CDC5L: variants seen among roughly 807,000 people sequenced by gnomAD.
The protein encoded by CDC5L is cell division cycle 5-like protein.
CDC5L carries 18 observed loss-of-function variants against 104.1 expected under a neutral mutation model. The observed-to-expected ratio is 0.17, with a 90% CI of 0.12 to 0.26. CDC5L has a LOEUF of 0.26. CDC5L is among the 10% of genes least tolerant of loss of function. CDC5L has a pLI of 1.00. For missense variants in CDC5L, 673 were observed against 956.9 expected (o/e 0.70, Z 3.91); for synonymous variants, 331 against 322.7 (o/e 1.03, Z -0.28).
intron 14 of CDC5L, among the ~76,000 whole-genome samples, chr6:44,438,173 C>T (rs1400393753): frequency 6.6e-6 from 1 of 152,176 alleles, no homozygotes; most frequent in Non-Finnish European, 1.5e-5. Context: ...GTCTCGAACT[C>T]CTGGGCTCAA....
rs1258145652 is a variant in CDC5L, at chr6:44,449,653, C to CT, written c.*2942_*2943insT. The CT allele has an allele frequency of 2.6e-5, 4 of 152,098 alleles. No individual in the cohort carries two copies. Among genetic ancestry groups the CT allele is most frequent in the Non-Finnish European group, 5.9e-5 (4 of 68,030 alleles). The allele number at this position is 152,098 out of a possible 1,614,324, so 9.4% of individuals were successfully genotyped here. ...TGTGATAAAAAGCTGAAAGAAACCACCACAAGGGAGAGTCCTTTTTGAAAT... is the reference window on the plus strand; with the variant it reads ...TGTGATAAAAAGCTGAAAGAAACCACTCACAAGGGAGAGTCCTTTTTGAAAT... On this transcript the variant is annotated 3_prime_UTR_variant, in exon 16 of 16. Transcript: ENST00000371477.
intron 3 of CDC5L, among the ~76,000 whole-genome samples, chr6:44,393,164 GTTTTTTT>G (rs773786751): frequency 5.6e-5 from 6 of 107,220 alleles, no homozygotes; most frequent in Non-Finnish European, 9.6e-5. Flanking sequence ...TTTACTAATA[GTTTTTTT>G]TTTTTTTTTT....
chr6:44,426,700 G>T lies in CDC5L; in HGVS notation c.1869G>T (p.Lys623Asn). The change falls in exon 13 of 16, where the codon AAG becomes AAT. Residue 623 changes from lysine (K) to asparagine (N), a missense_variant. Lys to Asn is a moderately conservative substitution (Grantham distance 94). Coordinates refer to ENST00000371477, the MANE Select transcript of CDC5L (RefSeq NM_001253.4). ...ATCTGGAACATAATCCTTATGAAAAGTTCTCCAAAGAAGAGCTGAAAAAGG... is the reference window on the plus strand; with the variant it reads ...ATCTGGAACATAATCCTTATGAAAATTTCTCCAAAGAAGAGCTGAAAAAGG... ...ITYLEHNPYE[K>N]FSKEELKKAQ... 6.2e-7 allele frequency: 1 copy of T among 1,612,732 alleles called. No homozygotes were observed. The highest frequency in any genetic ancestry group is 8.5e-7 in the Non-Finnish European group (1 of 1,179,376).
intron 14 of CDC5L, among the ~76,000 whole-genome samples, chr6:44,436,436 A>G (rs756487500): frequency 1.3e-5 from 2 of 152,058 alleles, no homozygotes; most frequent in Non-Finnish European, 2.9e-5. Context: ...GTGGATTTTA[A>G]TCTAACATTT....
intron 14 of CDC5L, among the ~76,000 whole-genome samples, chr6:44,441,195 A>G (rs1390737943): frequency 1.3e-5 from 2 of 152,172 alleles, no homozygotes; most frequent in Non-Finnish European, 2.9e-5. Flanking sequence ...CTCTACTTCT[A>G]TGAGATTAAC....
chr6:44,411,736 T>C (rs1791652770), intron 8 of CDC5L, among the ~76,000 whole-genome samples: 1 of 152,082 alleles, frequency 6.6e-6, no homozygotes, highest in Non-Finnish European at 1.5e-5. Context: ...TTTACAAAAT[T>C]ATGGCACACT....
At chr6:44,427,059 TA>T (rs1792455954) in intron 13 of CDC5L, among the ~76,000 whole-genome samples, 1 of 152,226 alleles carries the variant, frequency 6.6e-6, no homozygotes, top group Non-Finnish European at 1.5e-5. Flanking sequence ...CTTTAGTACT[TA>T]AACATCACTT....
At chr6:44,428,470 ATATGCT>A (rs1348850338) in intron 13 of CDC5L, among the ~76,000 whole-genome samples, 1 of 152,176 alleles carries the variant, frequency 6.6e-6, no homozygotes, top group Non-Finnish European at 1.5e-5. Context: ...GAAAAAATTC[ATATGCT>A]TATGGAATTC....
chr6:44,427,220 G>C (rs559962892), intron 13 of CDC5L, among the ~76,000 whole-genome samples: 1 of 152,296 alleles, frequency 6.6e-6, no homozygotes, highest in South Asian at 2.1e-4. Flanking sequence ...AGGACATGAA[G>C]AAATGATTTC....
At chr6:44,418,821 G>A (rs1248760937) in intron 8 of CDC5L, among the ~76,000 whole-genome samples, 8 of 148,622 alleles carry the variant, frequency 5.4e-5, no homozygotes, top group Admixed American at 2.0e-4. Flanking sequence ...CATATCCTTC[G>A]CCCACTTTTT....
Position 44,426,083 on chromosome 6 carries a change from A to C in CDC5L, c.1570-20A>C. 6.5e-7 allele frequency: 1 copy of C among 1,534,036 alleles called. No individual in the cohort carries two copies. Among genetic ancestry groups the C allele is most frequent in the Non-Finnish European group, 8.9e-7 (1 of 1,117,734 alleles). ...AAATACGCTATAGCTGCAATAAAGG[A>C]TATAAAAATCATTTTTTAGGCCATA... On this transcript the variant is annotated intron_variant, in intron 11 of 15. Coordinates refer to ENST00000371477, the MANE Select transcript of CDC5L (RefSeq NM_001253.4).
At chr6:44,408,844 G>A (rs1026245086) in intron 8 of CDC5L, among the ~76,000 whole-genome samples, 9 of 152,110 alleles carry the variant, frequency 5.9e-5, no homozygotes, top group African/African-American at 1.7e-4. Flanking sequence ...ATTAAAATTC[G>A]TAATTTTTTG....
intron 14 of CDC5L, among the ~76,000 whole-genome samples, chr6:44,440,315 C>T (rs1793123996): frequency 6.6e-6 from 1 of 150,652 alleles, no homozygotes; most frequent in African/African-American, 2.4e-5. Context: ...GATCTTGGCT[C>T]ATTGCAACCT....
chr6:44,428,362 A>T (rs187670962), intron 13 of CDC5L, among the ~76,000 whole-genome samples: 15 of 151,472 alleles, frequency 9.9e-5, no homozygotes, highest in Admixed American at 3.9e-4. Context: ...GTAGATTTTG[A>T]TGTGTTTATT....
intron 8 of CDC5L, among the ~76,000 whole-genome samples, chr6:44,413,739 A>T (rs746252564): frequency 9.9e-5 from 15 of 151,966 alleles, no homozygotes; most frequent in Non-Finnish European, 1.9e-4. Flanking sequence ...ATGCACTACC[A>T]GGCCCAATTA....
intron 8 of CDC5L, among the ~76,000 whole-genome samples, chr6:44,411,651 T>TGTGTGTGTGTGA (rs1330214519): frequency 7.5e-6 from 1 of 132,936 alleles, no homozygotes; most frequent in African/African-American, 2.7e-5. Context: ...TGTGTGTGTG[T>TGTGTGTGTGTGA]GTGACTAAAA....
intron 5 of CDC5L, among the ~76,000 whole-genome samples, chr6:44,402,990 T>C (rs1384601029): frequency 3.3e-5 from 5 of 152,242 alleles, no homozygotes; most frequent in Admixed American, 3.3e-4. Context: ...TTGTTCATGG[T>C]GTAACTTATT....
rs564926508 is a variant in CDC5L at position 44,438,809 on chromosome 6, C to T, written c.2092-6846C>T. ...AATTGAAGATGAGGAATTTTTTTTT[C>T]TCCTGTGGAGGTAATGTTTCTACTC... is the stretch of plus-strand genomic sequence containing the variant. On this transcript the variant is annotated intron_variant, in intron 14 of 15. Transcript: ENST00000371477. Among the ~76,000 whole-genome samples the T allele has an allele frequency of 2.1e-3, 314 of 149,330 alleles. 1 individual carries two copies. The highest frequency in any genetic ancestry group is 7.3e-3 in the African/African-American group (298 of 40,760).
intron 11 of CDC5L, 81 bp from the exon 12 acceptor site, chr6:44,426,022 C>T (rs1792400720): frequency 2.2e-6 from 2 of 904,292 alleles, no homozygotes; most frequent in South Asian, 1.8e-5. Context: ...CATGATCTTA[C>T]ATACCAAAGT....
Sources: allele counts gnomAD v4.1 joint callset (sites outside exome capture counted in the v4.1 genomes callset), GRCh38; gene constraint gnomAD v4.1.1; transcripts MANE v1.5; gene names NCBI Gene and HGNC (gene_info 2026-07-23, HGNC 2026-07-21).